Variants in DLG2 observed in about 807,000 individuals in gnomAD.
DLG2 encodes disks large homolog 2.
DLG2 carries 45 observed loss-of-function variants against 132.5 expected under a neutral mutation model. That is an observed-to-expected ratio of 0.34 (90% CI 0.27 to 0.44). The LOEUF is 0.44. DLG2 is among the 20% of genes least tolerant of loss of function. The pLI is 1.00. For missense variants in DLG2, 1,045 were observed against 1,196.9 expected (o/e 0.87, Z 1.87); for synonymous variants, 424 against 419.6 (o/e 1.01, Z -0.13).
intron 18 of DLG2, among the ~76,000 whole-genome samples, chr11:83,753,818 ATATTTCATATATATATGAT>A (rs1566830846): frequency 5.7e-5 from 4 of 70,338 alleles, no homozygotes; most frequent in Admixed American, 2.3e-4. Context: ...TATCATATAT[ATATTTCATATATATATGAT>A]ATATATCATA....
At chr11:85,486,690 T>C (rs2093436633) in intron 3 of DLG2, among the ~76,000 whole-genome samples, 1 of 151,812 alleles carries the variant, frequency 6.6e-6, no homozygotes, top group Non-Finnish European at 1.5e-5. Flanking sequence ...CCAACACCAG[T>C]ATGGATCACT....
chr11:84,238,088 A>G lies in DLG2; in HGVS notation c.573+13150T>C, dbSNP rs770732495. 1.7e-4 allele frequency among the ~76,000 whole-genome samples: 26 copies of G among 151,802 alleles called. 1 individual carries two copies. Among genetic ancestry groups the G allele is most frequent in the Admixed American group, 7.2e-4 (11 of 15,234 alleles). ...AAGAAAGAAAAGAAAAGAAAAAGAA[A>G]GACACTAGAGGGAAGTCAGTCACTG... On this transcript the variant is annotated intron_variant, in intron 8 of 27. Transcript: ENST00000376104.
intron 5 of DLG2, among the ~76,000 whole-genome samples, chr11:85,121,998 A>C (rs542012537): frequency 1.1e-4 from 17 of 152,066 alleles, no homozygotes; most frequent in African/African-American, 4.1e-4. Context: ...AAATTAGAGG[A>C]AGGAAGAATT....
At position 83,715,851 on chromosome 11, in the gene DLG2, T is replaced by C. The variant is rs180886821; in HGVS notation, c.1825+70839A>G. On this transcript the variant is annotated intron_variant, in intron 18 of 27. Transcript: ENST00000376104. ...TTACTGTTCCTTCTCCTTTCCACTC[T>C]TCAGGGTTGACTTCTCAATGTTTCA... 2.2e-3 allele frequency among the ~76,000 whole-genome samples: 335 copies of C among 152,314 alleles called. 2 individuals are homozygous for C. The highest frequency in any genetic ancestry group is 3.7e-3 in the Non-Finnish European group (252 of 68,016).
intron 3 of DLG2, among the ~76,000 whole-genome samples, chr11:85,555,949 T>G (rs958240864): frequency 6.6e-6 from 1 of 151,880 alleles, no homozygotes; most frequent in African/African-American, 2.4e-5. Flanking sequence ...CTCAACCATC[T>G]GGCCCCTCTT....
intron 6 of DLG2, among the ~76,000 whole-genome samples, chr11:84,900,459 A>C (rs1356968898): frequency 6.6e-6 from 1 of 152,094 alleles, no homozygotes; most frequent in Non-Finnish European, 1.5e-5. Flanking sequence ...TTTTGGGGGA[A>C]TGAAAAGTAA....
chr11:83,898,478 G>A (rs1236059388), intron 15 of DLG2, among the ~76,000 whole-genome samples: 2 of 151,906 alleles, frequency 1.3e-5, no homozygotes, highest in Admixed American at 6.6e-5. Flanking sequence ...TACTAATAAG[G>A]CTATTGATAA....
chr11:85,225,617 C>T (rs2074928594), intron 4 of DLG2, among the ~76,000 whole-genome samples: 1 of 152,100 alleles, frequency 6.6e-6, no homozygotes, highest in Non-Finnish European at 1.5e-5. Context: ...CTTCTGCCCT[C>T]CATACTATCT....
chr11:83,805,520 C>G (rs2045672037), intron 17 of DLG2, among the ~76,000 whole-genome samples: 1 of 151,664 alleles, frequency 6.6e-6, no homozygotes, highest in South Asian at 2.1e-4. Flanking sequence ...ATCTCATTAC[C>G]ATGTGGTAGA....
chr11:84,910,602 A>G (rs1326910943), intron 6 of DLG2, among the ~76,000 whole-genome samples: 1 of 152,210 alleles, frequency 6.6e-6, no homozygotes, highest in Non-Finnish European at 1.5e-5. Flanking sequence ...TTTACTTTTA[A>G]CAAATGAACT....
chr11:84,076,715 T>C (rs1036910286), intron 10 of DLG2, among the ~76,000 whole-genome samples: 3 of 152,166 alleles, frequency 2.0e-5, no homozygotes, highest in African/African-American at 7.2e-5. Flanking sequence ...AATCCTCAAA[T>C]GATGGAAGTC....
At chr11:83,879,143 C>T (rs2065501621) in intron 15 of DLG2, among the ~76,000 whole-genome samples, 1 of 152,138 alleles carries the variant, frequency 6.6e-6, no homozygotes, top group Non-Finnish European at 1.5e-5. Context: ...ACACATGGAA[C>T]ACAAAGGTCC....
At chr11:84,553,555 A>C (rs1036765262) in intron 6 of DLG2, among the ~76,000 whole-genome samples, 3 of 152,242 alleles carry the variant, frequency 2.0e-5, no homozygotes, top group African/African-American at 7.2e-5. Context: ...AGAATAAGAT[A>C]TCACAGTCTA....
At chr11:83,787,619 C>T (rs568296527) in intron 17 of DLG2, among the ~76,000 whole-genome samples, 224 of 152,204 alleles carry the variant, frequency 1.5e-3, no homozygotes, top group Non-Finnish European at 2.8e-3. Context: ...CCGCGCCCGG[C>T]CGCCTTGTTT....
chr11:84,604,925 T>G (rs2099582751), intron 6 of DLG2, among the ~76,000 whole-genome samples: 1 of 151,988 alleles, frequency 6.6e-6, no homozygotes. Flanking sequence ...TCCCAAGTGA[T>G]AATTATTTTT....
At chr11:84,262,344 G>A (rs1179448576) in intron 7 of DLG2, among the ~76,000 whole-genome samples, 1 of 152,064 alleles carries the variant, frequency 6.6e-6, no homozygotes, top group East Asian at 1.9e-4. Context: ...AGGAAGTATG[G>A]GATTTGGAGA....
intron 8 of DLG2, among the ~76,000 whole-genome samples, chr11:84,188,261 G>A (rs2096324051): frequency 6.6e-6 from 1 of 152,110 alleles, no homozygotes; most frequent in Non-Finnish European, 1.5e-5. Context: ...CAATATGCTT[G>A]TCCATCTAAA....
At chr11:85,076,039 A>T (rs2066498476) in intron 6 of DLG2, among the ~76,000 whole-genome samples, 1 of 151,980 alleles carries the variant, frequency 6.6e-6, no homozygotes, top group Admixed American at 6.6e-5. Flanking sequence ...GTCATCTGGT[A>T]AATGAATTTA....
rs186782054 is a variant in DLG2, at chr11:83,979,479, T to C, written c.1056+1027A>G. ...GATTATTATCCTGTAGATTTTGGCA[T>C]ACAACAGTAAATGGACATAAGGCAG... On this transcript the variant is annotated intron_variant, in intron 12 of 27. Coordinates refer to ENST00000376104, the MANE Select transcript of DLG2 (RefSeq NM_001142699.3). Among the ~76,000 whole-genome samples the C allele has an allele frequency of 5.9e-5, 9 of 152,330 alleles. No individual in the cohort carries two copies. The East Asian group carries it at 1.7e-3, about 29-fold the overall frequency.
Sources: allele counts gnomAD v4.1 joint callset (sites outside exome capture counted in the v4.1 genomes callset), GRCh38; gene constraint gnomAD v4.1.1; transcripts MANE v1.5; gene names NCBI Gene and HGNC (gene_info 2026-07-23, HGNC 2026-07-21).